The following TENM2 variants were observed in gnomAD, a reference collection of about 807,000 sequenced individuals.
TENM2 encodes the protein teneurin-2.
In TENM2, 52 loss-of-function variants were observed where a neutral mutation model predicts 245.2. The observed-to-expected ratio is 0.21, with a 90% CI of 0.17 to 0.27. The LOEUF (loss-of-function observed/expected upper bound fraction) is 0.27. TENM2 is among the 10% of genes least tolerant of loss of function. The pLI, the probability that TENM2 is intolerant of heterozygous loss-of-function variation, is 1.00. For synonymous variants in TENM2, 1,363 were observed against 1,438.9 expected (o/e 0.95, Z 1.19); for missense variants, 3,046 against 3,666.8 (o/e 0.83, Z 4.37).
intron 3 of TENM2, among the ~76,000 whole-genome samples, chr5:167,951,521 G>T (rs1041446512): frequency 4.6e-5 from 7 of 152,136 alleles, no homozygotes; most frequent in African/African-American, 1.7e-4. Flanking sequence ...GGAAAACCTT[G>T]TGTGGAGTTG....
intron 2 of TENM2, among the ~76,000 whole-genome samples, chr5:167,865,554 G>A (rs889885390): frequency 1.2e-4 from 18 of 152,150 alleles, no homozygotes; most frequent in African/African-American, 4.1e-4. Flanking sequence ...GATTACAGTC[G>A]TGAGCCAGCA....
chr5:167,156,957 T>A, the TENM2 span, among the ~76,000 whole-genome samples: 1 of 152,230 alleles, frequency 6.6e-6, no homozygotes, highest in Admixed American at 6.5e-5. Flanking sequence ...TACATAATAC[T>A]GTGGTATTTC....
intron 3 of TENM2, among the ~76,000 whole-genome samples, chr5:167,907,364 T>C (rs1224224182): frequency 4.6e-5 from 7 of 151,412 alleles, no homozygotes; most frequent in Admixed American, 3.3e-4. Context: ...GACCCTTGTT[T>C]ACAAAGCATT....
intron 6 of TENM2, among the ~76,000 whole-genome samples, chr5:168,060,611 T>G (rs1291248463): frequency 6.6e-6 from 1 of 152,178 alleles, no homozygotes; most frequent in South Asian, 2.1e-4. Flanking sequence ...GGGTTATTCT[T>G]AAGATCGAAA....
chr5:167,600,088 T>TAGCCAACACTGCAC (rs1314946515), intron 2 of TENM2, among the ~76,000 whole-genome samples: 15 of 149,416 alleles, frequency 1.0e-4, no homozygotes, highest in South Asian at 2.2e-4. Flanking sequence ...GGAGTTTGCT[T>TAGCCAACACTGCAC]CATTTATAGG....
chr5:168,008,929 G>A (rs1562046257), intron 5 of TENM2, among the ~76,000 whole-genome samples: 1 of 151,976 alleles, frequency 6.6e-6, no homozygotes, highest in Admixed American at 6.6e-5. Context: ...ATTATGAGAG[G>A]GCCTTTGATC....
chr5:167,914,801 A>ACT (rs959689802), intron 3 of TENM2, among the ~76,000 whole-genome samples: 3 of 151,206 alleles, frequency 2.0e-5, no homozygotes, highest in Admixed American at 6.6e-5. Context: ...GCAACACCTC[A>ACT]CTCTCTCTCT....
chr5:167,508,979 C>T (rs1011513017), intron 2 of TENM2, among the ~76,000 whole-genome samples: 10 of 152,032 alleles, frequency 6.6e-5, no homozygotes, highest in South Asian at 2.1e-4. Context: ...CCACCACGCC[C>T]GGCTAATTTT....
At chr5:167,926,787 G>T (rs1179470827) in intron 3 of TENM2, among the ~76,000 whole-genome samples, 1 of 150,912 alleles carries the variant, frequency 6.6e-6, no homozygotes, top group Non-Finnish European at 1.5e-5. Flanking sequence ...CTTAGCGATG[G>T]GAGTTTTCTG....
intron 2 of TENM2, among the ~76,000 whole-genome samples, chr5:167,598,797 C>A (rs1421713592): frequency 8.6e-5 from 13 of 151,562 alleles, no homozygotes; most frequent in Admixed American, 8.5e-4. Flanking sequence ...TAAATGTTGG[C>A]AGTTATCAAA....
At chr5:168,159,765 CAT>C (rs1437617318) in intron 12 of TENM2, among the ~76,000 whole-genome samples, 1 of 152,166 alleles carries the variant, frequency 6.6e-6, no homozygotes, top group South Asian at 2.1e-4. Flanking sequence ...TCATCTTCCT[CAT>C]GTGATGTGGA....
intron 19 of TENM2, among the ~76,000 whole-genome samples, chr5:168,210,959 T>A (rs1413498324): frequency 6.6e-6 from 1 of 152,212 alleles, no homozygotes; most frequent in Non-Finnish European, 1.5e-5. Context: ...ACAAAATTTT[T>A]ACTAGTTCTC....
At chr5:167,779,199 A>G (rs970441841) in intron 2 of TENM2, among the ~76,000 whole-genome samples, 2 of 152,206 alleles carry the variant, frequency 1.3e-5, no homozygotes, top group African/African-American at 4.8e-5. Context: ...TTTGTGCTGC[A>G]TGTTGTAAGT....
intron 7 of TENM2, among the ~76,000 whole-genome samples, chr5:168,086,057 C>G (rs539229469): frequency 1.2e-4 from 19 of 152,256 alleles, no homozygotes; most frequent in African/African-American, 4.3e-4. Flanking sequence ...TTTGGGGGGT[C>G]CTGGACCCAG....
At chr5:167,322,759 GA>G in intron 1 of TENM2, among the ~76,000 whole-genome samples, 1 of 152,144 alleles carries the variant, frequency 6.6e-6, no homozygotes, top group East Asian at 1.9e-4. Context: ...ACAATTTGTT[GA>G]GAGAACCATT....
At chr5:168,182,993 G>A (rs1400678754) in intron 13 of TENM2, among the ~76,000 whole-genome samples, 2 of 152,004 alleles carry the variant, frequency 1.3e-5, no homozygotes, top group Non-Finnish European at 2.9e-5. Context: ...ACCATGCCTG[G>A]CTAATTTTTG....
At chr5:167,214,568 G>A in the TENM2 span, among the ~76,000 whole-genome samples, 4 of 152,062 alleles carry the variant, frequency 2.6e-5, no homozygotes, top group African/African-American at 9.7e-5. Context: ...TTTGATTTGG[G>A]TATGTAACCA....
chr5:167,405,816 A>G (rs1762610019), intron 2 of TENM2, among the ~76,000 whole-genome samples: 1 of 148,460 alleles, frequency 6.7e-6, no homozygotes, highest in African/African-American at 2.4e-5. Context: ...AGAGATGCCA[A>G]CCATTCCTGA....
chr5:167,220,885 G>A, the TENM2 span, among the ~76,000 whole-genome samples: 1 of 151,746 alleles, frequency 6.6e-6, no homozygotes, highest in Non-Finnish European at 1.5e-5. Context: ...GGAGTGCAGT[G>A]GCTCAATGTC....
Sources: allele counts gnomAD v4.1 joint callset (sites outside exome capture counted in the v4.1 genomes callset), GRCh38; gene constraint gnomAD v4.1.1; transcripts MANE v1.5; gene names NCBI Gene and HGNC (gene_info 2026-07-23, HGNC 2026-07-21).